The following SRPK2 variants were observed in gnomAD, a reference collection of about 807,000 sequenced individuals.
SRPK2 encodes the protein SFRS protein kinase 2.
Under a neutral mutation model 90.8 loss-of-function variants are expected in SRPK2, and 21 were observed. That is an observed-to-expected ratio of 0.23 (90% CI 0.16 to 0.33). SRPK2 has a LOEUF of 0.33. Ranked by LOEUF, SRPK2 falls within the 10% of genes least tolerant of loss-of-function variation. SRPK2 has a pLI of 1.00. For missense variants in SRPK2, 620 were observed against 869.0 expected (o/e 0.71, Z 3.60); for synonymous variants, 288 against 311.1 (o/e 0.93, Z 0.78).
chr7:105,160,499 A>G lies in SRPK2; in HGVS notation c.621+8T>C. 1.9e-6 allele frequency: 3 copies of G among 1,590,466 alleles called. No individual in the cohort carries two copies. The highest frequency in any genetic ancestry group is 2.6e-6 in the Non-Finnish European group (3 of 1,158,712). On this transcript the variant is annotated splice_region_variant and intron_variant, in intron 7 of 15. Coordinates refer to ENST00000393651, the MANE Select transcript of SRPK2 (RefSeq NM_182692.3). The stretch of plus-strand genomic sequence containing the variant: ...CTAGGGCCTAGGGGCTGCCGTCAAA[A>G]GTCTCACCTGTCGAATGATACTCTT...
At chr7:105,217,337 A>G (rs1470311523) in intron 2 of SRPK2, among the ~76,000 whole-genome samples, 1 of 152,248 alleles carries the variant, frequency 6.6e-6, no homozygotes, top group Admixed American at 6.5e-5. Flanking sequence ...TTGAACATAA[A>G]AAGTGACTTA....
At chr7:105,228,731 T>A (rs899534107) in intron 2 of SRPK2, among the ~76,000 whole-genome samples, 46 of 152,202 alleles carry the variant, frequency 3.0e-4, no homozygotes, top group Non-Finnish European at 1.2e-4. Context: ...ACAGCAGAAC[T>A]AAGAGAATAC....
At chr7:105,348,501 T>C (rs12535338) in intron 2 of SRPK2, among the ~76,000 whole-genome samples, 65,558 of 149,378 alleles carry the variant, frequency 0.44, 15,845 homozygotes, top group Non-Finnish European at 0.54. Context: ...CACGGCTCAC[T>C]GCAACCTCCA....
chr7:105,117,780 T>C lies in SRPK2; in HGVS notation c.*58A>G, dbSNP rs562080252. On this transcript the variant is annotated 3_prime_UTR_variant, in exon 16 of 16. Transcript: ENST00000393651. ...CCTGTTAAAGAATGAGAGTCACCGT[T>C]TAGGTCCAATGTACTGGGAACATTT... 2.6e-5 allele frequency: 41 copies of C among 1,567,572 alleles called. No homozygotes were observed. The East Asian group carries it at 7.9e-4, about 30-fold the overall frequency.
intron 2 of SRPK2, among the ~76,000 whole-genome samples, chr7:105,374,549 C>T (rs773601396): frequency 9.9e-5 from 15 of 152,048 alleles, no homozygotes; most frequent in Admixed American, 6.6e-5. Context: ...GCAAATAAAA[C>T]AAATTAGAAT....
chr7:105,232,754 C>G (rs1799605260), intron 2 of SRPK2, among the ~76,000 whole-genome samples: 1 of 151,932 alleles, frequency 6.6e-6, no homozygotes, highest in African/African-American at 2.4e-5. Context: ...GCGGCTCACG[C>G]CTGTAATCCC....
chr7:105,156,176 A>G (rs962080871), intron 7 of SRPK2, among the ~76,000 whole-genome samples: 2 of 152,212 alleles, frequency 1.3e-5, no homozygotes, highest in Non-Finnish European at 2.9e-5. Context: ...TATAAAACCC[A>G]TTATATAACG....
chr7:105,274,719 G>A (rs1466397635), intron 2 of SRPK2, among the ~76,000 whole-genome samples: 1 of 150,916 alleles, frequency 6.6e-6, no homozygotes, highest in Non-Finnish European at 1.5e-5. Context: ...CATCATGATT[G>A]CTTCCTTGCC....
chr7:105,398,334 G>A (rs558725983), intron 1 of SRPK2, among the ~76,000 whole-genome samples: 3 of 151,278 alleles, frequency 2.0e-5, no homozygotes, highest in Non-Finnish European at 4.4e-5. Flanking sequence ...AAGACGGGAA[G>A]TCATATCACC....
intron 2 of SRPK2, among the ~76,000 whole-genome samples, chr7:105,325,953 C>A (rs535832148): frequency 1.3e-5 from 2 of 152,344 alleles, no homozygotes; most frequent in East Asian, 3.9e-4. Flanking sequence ...GGCGGAAAAA[C>A]AAGGCAATGC....
intron 2 of SRPK2, among the ~76,000 whole-genome samples, chr7:105,382,466 C>T (rs892163015): frequency 1.4e-5 from 2 of 147,308 alleles, no homozygotes; most frequent in African/African-American, 5.0e-5. Context: ...TCAGGAGAAT[C>T]GCTTAAACCC....
intron 2 of SRPK2, among the ~76,000 whole-genome samples, chr7:105,233,119 G>A (rs538208059): frequency 2.1e-5 from 3 of 146,284 alleles, no homozygotes; most frequent in Admixed American, 6.8e-5. Flanking sequence ...AAGGAAGGAA[G>A]GAAGGAAGGA....
intron 2 of SRPK2, among the ~76,000 whole-genome samples, chr7:105,262,655 A>C (rs892164534): frequency 2.0e-5 from 3 of 152,116 alleles, no homozygotes; most frequent in African/African-American, 7.2e-5. Flanking sequence ...AGTGCCTCCA[A>C]CAACAACACC....
intron 2 of SRPK2, among the ~76,000 whole-genome samples, chr7:105,334,442 T>C (rs1344308486): frequency 1.4e-5 from 2 of 148,030 alleles, no homozygotes; most frequent in Non-Finnish European, 3.0e-5. Flanking sequence ...CAGGCTGGTC[T>C]CGAACTCCGA....
chr7:105,277,222 G>A (rs1806641509), intron 2 of SRPK2, among the ~76,000 whole-genome samples: 1 of 151,930 alleles, frequency 6.6e-6, no homozygotes, highest in Admixed American at 6.6e-5. Context: ...GACTACAGGC[G>A]CCCACTACCA....
At chr7:105,260,611 T>C (rs1010837652) in intron 2 of SRPK2, among the ~76,000 whole-genome samples, 3 of 152,144 alleles carry the variant, frequency 2.0e-5, no homozygotes, top group African/African-American at 4.8e-5. Context: ...CTATTCACAA[T>C]AGCAAAGACT....
chr7:105,377,695 G>A (rs774568753), intron 2 of SRPK2, among the ~76,000 whole-genome samples: 23 of 151,762 alleles, frequency 1.5e-4, no homozygotes, highest in Non-Finnish European at 2.5e-4. Flanking sequence ...GCAAGACCCC[G>A]TATCAAAAAA....
At chr7:105,318,302 C>T (rs1812539651) in intron 2 of SRPK2, among the ~76,000 whole-genome samples, 2 of 152,050 alleles carry the variant, frequency 1.3e-5, no homozygotes, top group South Asian at 4.2e-4. Context: ...AGCATGTTGG[C>T]CAGGCTGGTC....
At chr7:105,145,183 C>T (rs1804403162) in intron 9 of SRPK2, 100 bp downstream of exon 9, 1 of 798,768 alleles carries the variant, frequency 1.3e-6, no homozygotes, top group African/African-American at 1.8e-5. Context: ...ATAAATGTGT[C>T]TACCCTTTAA....
Sources: allele counts gnomAD v4.1 joint callset (sites outside exome capture counted in the v4.1 genomes callset), GRCh38; gene constraint gnomAD v4.1.1; transcripts MANE v1.5; gene names NCBI Gene and HGNC (gene_info 2026-07-23, HGNC 2026-07-21).